CHRM5: variants seen among roughly 807,000 people sequenced by gnomAD.
The protein encoded by CHRM5 is cholinergic receptor muscarinic 5, also known as muscarinic acetylcholine receptor M5.
Under a neutral mutation model 39.0 loss-of-function variants are expected in CHRM5, and 18 were observed. The ratio of observed to expected loss-of-function variants is 0.46; its 90% CI spans 0.32 to 0.68. The LOEUF (loss-of-function observed/expected upper bound fraction) is 0.68, where lower values mean the gene tolerates loss of function less well. Ranked by LOEUF, CHRM5 falls within the 30% of genes least tolerant of loss-of-function variation. The pLI is 0.04. For missense variants in CHRM5, 515 were observed against 651.1 expected (o/e 0.79, Z 2.28); for synonymous variants, 241 against 246.3 (o/e 0.98, Z 0.20).
At chr15:34,002,972 A>C in intron 1 of CHRM5, 1 of 1,401,524 alleles carries the variant, frequency 7.1e-7, no homozygotes, top group Non-Finnish European at 9.7e-7. Context: ...AAAAACATAT[A>C]TAAAATGTCT....
intron 1 of CHRM5, among the ~76,000 whole-genome samples, chr15:33,983,168 G>GTA (rs1896243393): frequency 3.9e-5 from 4 of 101,688 alleles, no homozygotes; most frequent in African/African-American, 1.6e-4. Context: ...GTATGTGTGT[G>GTA]TGTATATATA....
At chr15:34,030,619 C>T (rs924314085) in intron 1 of CHRM5, among the ~76,000 whole-genome samples, 4 of 151,700 alleles carry the variant, frequency 2.6e-5, no homozygotes, top group African/African-American at 4.8e-5. Context: ...TGAGCCACCA[C>T]GCCCAGCCTG....
chr15:34,008,280 G>C (rs1237643842), intron 1 of CHRM5, among the ~76,000 whole-genome samples: 1 of 151,804 alleles, frequency 6.6e-6, no homozygotes, highest in Non-Finnish European at 1.5e-5. Context: ...AATTAGCCAG[G>C]TATGGTGGTG....
chr15:34,056,437 G>C (rs1394250167), intron 2 of CHRM5, among the ~76,000 whole-genome samples: 1 of 152,230 alleles, frequency 6.6e-6, no homozygotes, highest in Non-Finnish European at 1.5e-5. Context: ...AGAAAGGCTA[G>C]ATAAGCTAAG....
At chr15:33,991,070 C>T (rs536316552) in intron 1 of CHRM5, 64 of 152,246 alleles carry the variant, frequency 4.2e-4, no homozygotes, top group Admixed American at 1.3e-3. Flanking sequence ...ATGGATGCAA[C>T]TCCTGATGAC....
chr15:34,013,149 C>T (rs113795754), intron 1 of CHRM5, among the ~76,000 whole-genome samples: 18,426 of 152,004 alleles, frequency 0.12, 1,221 homozygotes, highest in East Asian at 0.24. Flanking sequence ...GCAACCTCTG[C>T]CTCCTGGGTT....
intron 1 of CHRM5, among the ~76,000 whole-genome samples, chr15:34,014,961 G>A (rs1410841334): frequency 2.0e-5 from 3 of 152,082 alleles, no homozygotes; most frequent in East Asian, 1.9e-4. Flanking sequence ...GAGGGGTGCC[G>A]GATTTGAGAA....
chr15:33,996,119 G>C (rs544114), intron 1 of CHRM5, among the ~76,000 whole-genome samples: 72,176 of 152,146 alleles, frequency 0.47, 20,648 homozygotes, highest in Non-Finnish European at 0.64. Flanking sequence ...CAGCAGCCTG[G>C]CAGGGGGAGG....
chr15:33,981,403 A>G (rs533084434), intron 1 of CHRM5, among the ~76,000 whole-genome samples: 1 of 149,070 alleles, frequency 6.7e-6, no homozygotes, highest in Admixed American at 6.9e-5. Flanking sequence ...TATTGCTCCC[A>G]TTGTCATGAC....
chr15:34,010,856 T>G (rs1897605928), intron 1 of CHRM5, among the ~76,000 whole-genome samples: 1 of 152,260 alleles, frequency 6.6e-6, no homozygotes, highest in East Asian at 1.9e-4. Flanking sequence ...AATAGTTAAT[T>G]GCCAACTTTT....
intron 1 of CHRM5, among the ~76,000 whole-genome samples, chr15:34,026,009 A>G (rs1898452352): frequency 6.6e-6 from 1 of 152,128 alleles, no homozygotes; most frequent in African/African-American, 2.4e-5. Context: ...TTCAAATTGG[A>G]ATATATCTAT....
At chr15:34,042,592 G>A (rs899436187) in intron 1 of CHRM5, among the ~76,000 whole-genome samples, 3 of 151,556 alleles carry the variant, frequency 2.0e-5, no homozygotes, top group African/African-American at 7.3e-5. Context: ...TAGTAGAGAC[G>A]GGGTTTCTCC....
chr15:34,035,475 A>G (rs1359377341), intron 1 of CHRM5, among the ~76,000 whole-genome samples: 1 of 152,196 alleles, frequency 6.6e-6, no homozygotes, highest in Non-Finnish European at 1.5e-5. Flanking sequence ...AGTTTAGAGC[A>G]GCAGTCGAAA....
chr15:33,993,771 A>G (rs1385789139), intron 1 of CHRM5, among the ~76,000 whole-genome samples: 2 of 152,188 alleles, frequency 1.3e-5, no homozygotes, highest in Non-Finnish European at 2.9e-5. Flanking sequence ...GACCGCAATC[A>G]TGATATCTGG....
At chr15:34,039,391 T>C (rs1318885830) in intron 1 of CHRM5, among the ~76,000 whole-genome samples, 1 of 132,966 alleles carries the variant, frequency 7.5e-6, no homozygotes, top group Non-Finnish European at 1.6e-5. Context: ...AAAATAAAAT[T>C]TGTATGATGT....
chr15:34,014,308 G>A (rs1433084882), intron 1 of CHRM5, among the ~76,000 whole-genome samples: 2 of 141,690 alleles, frequency 1.4e-5, no homozygotes, highest in African/African-American at 5.3e-5. Flanking sequence ...AGATTACAGT[G>A]AGCCAAGATT....
chr15:34,033,601 A>G (rs1043726028), intron 1 of CHRM5, among the ~76,000 whole-genome samples: 5 of 152,162 alleles, frequency 3.3e-5, no homozygotes, highest in Non-Finnish European at 7.3e-5. Context: ...CCAAGCCTGT[A>G]GAGTTATATA....
chr15:34,014,400 C>T (rs530341607), intron 1 of CHRM5, among the ~76,000 whole-genome samples: 7 of 121,056 alleles, frequency 5.8e-5, no homozygotes, highest in South Asian at 2.6e-4. Context: ...ACAAAAACCA[C>T]GTTTGAGGAT....
Position 34,063,870 on chromosome 15 carries a change from G to A in CHRM5, c.1153G>A (p.Val385Ile), listed in dbSNP as rs376722030. The change falls in exon 3 of 3, where the codon GTA becomes ATA. Residue 385 changes from valine (V) to isoleucine (I), a missense_variant. Val to Ile is a conservative substitution (Grantham distance 29). Transcript: ENST00000383263. This position sits in a 1 kb window ranked among gnomAD's most constrained non-coding sequence, Gnocchi z 4.1. ...KCVAYKFRLV[V>I]KADGNQETNN... Reference sequence around the variant, plus strand: ...TGTGGCCTATAAGTTCCGATTGGTGGTAAAAGCTGACGGGAACCAGGAGAC... The same window carrying A: ...TGTGGCCTATAAGTTCCGATTGGTGATAAAAGCTGACGGGAACCAGGAGAC... 1.5e-4 allele frequency: 247 copies of A among 1,614,060 alleles called. No individual in the cohort carries two copies. The highest frequency in any genetic ancestry group is 2.0e-4 in the Non-Finnish European group (237 of 1,180,046).
Sources: gnomAD v4.1 joint callset for allele counts (sites outside exome capture counted in the v4.1 genomes callset) on GRCh38, gnomAD v4.1.1 for gene constraint, Gnocchi (gnomAD v3.1) non-coding constraint, MANE v1.5 for transcripts, NCBI Gene and HGNC (gene_info 2026-07-23, HGNC 2026-07-21) for gene names.